AFG3L2: variants seen among roughly 807,000 people sequenced by gnomAD.
AFG3L2 encodes the protein AFG3 like matrix AAA peptidase subunit 2, also known as mitochondrial inner membrane m-AAA protease component AFG3L2.
A neutral mutation model predicts 94.5 loss-of-function variants in AFG3L2; 54 were observed. The ratio of observed to expected loss-of-function variants is 0.57; its 90% CI spans 0.46 to 0.72. The LOEUF (loss-of-function observed/expected upper bound fraction) is 0.72. Among genes scored for constraint, AFG3L2 ranks in the 30% least tolerant of loss-of-function variants. AFG3L2 has a pLI of 0.00. For missense variants in AFG3L2, 754 were observed against 994.9 expected, an observed-to-expected ratio of 0.76 and a Z score of 3.26; for synonymous variants, 377 against 365.5, an observed-to-expected ratio of 1.03 and a Z score of -0.36.
rs762665023 is a variant in AFG3L2 at position 12,351,109 on chromosome 18, C to T, written c.1528G>A (p.Ala510Thr). The T allele has an allele frequency of 1.9e-6, 3 of 1,613,300 alleles. No homozygotes were observed. The Admixed American group carries it at 5.0e-5, about 27-fold the overall frequency. ...CCTGAAAACCCTGGAGTTAAAGATG[C>T]CAGTTTTCTTGCCAATTTATCCTTC... is the stretch of plus-strand genomic sequence containing the variant. ...LEKDKLARKL[A>T]SLTPGFSGAD... The change falls in exon 12 of 17, where the codon GCA becomes ACA. Residue 510 changes from alanine (A) to threonine (T), a missense_variant. By Grantham distance (58) the Ala-to-Thr change is moderately conservative (BLOSUM62 0). Transcript: ENST00000269143.
chr18:12,352,005 C>A (rs1163939976), intron 10 of AFG3L2, among the ~76,000 whole-genome samples: 2 of 152,110 alleles, frequency 1.3e-5, no homozygotes, highest in Non-Finnish European at 2.9e-5. Flanking sequence ...CAGATAATGT[C>A]AATTTTAAAA....
chr18:12,354,379 G>A (rs113005267), intron 9 of AFG3L2, among the ~76,000 whole-genome samples: 97 of 152,144 alleles, frequency 6.4e-4, no homozygotes, highest in African/African-American at 2.1e-3. Context: ...TTCCCCTACA[G>A]GCTAACTGGA....
At position 12,337,368 on chromosome 18, in the gene AFG3L2, G is replaced by A; in HGVS notation, c.2148C>T (p.Leu716=). The change falls in exon 16 of 17, where the codon CTC becomes CTT. Residue 716 remains leucine (L), a synonymous_variant. Coordinates refer to ENST00000269143, the MANE Select transcript of AFG3L2 (RefSeq NM_006796.3). The part of the protein sequence containing the change: ...NDAYKRTVAL[L]TEKKADVEKV... ...TCTCCACGTCAGCTTTCTTTTCTGT[G>A]AGAAGAGCTACTGTTCTTTTATAAG... The A allele has an allele frequency of 6.2e-6, 10 of 1,614,076 alleles. No individual in the cohort carries two copies. The highest frequency in any genetic ancestry group is 1.1e-5 in the South Asian group (1 of 91,076).
chr18:12,355,772 C>T (rs529558361), intron 9 of AFG3L2, among the ~76,000 whole-genome samples: 7 of 151,914 alleles, frequency 4.6e-5, no homozygotes, highest in African/African-American at 1.2e-4. Context: ...AGGTTCACGC[C>T]ATTCTCCTGC....
intron 1 of AFG3L2, among the ~76,000 whole-genome samples, chr18:12,373,326 T>C (rs1244038553): frequency 1.3e-5 from 2 of 151,708 alleles, no homozygotes; most frequent in African/African-American, 4.8e-5. Context: ...TTATTCAAGC[T>C]AGACAAGTCA....
rs200160430 is a variant in AFG3L2 at position 12,367,375 on chromosome 18, C to G, written c.300G>C (p.Lys100Asn). ...KEVMGEKKES[K>N]PAATTRSSGG... ...CAGAAGAGCGTGTGGTAGCAGCTGG[C>G]TTTGATTCTGTTCATAAACAAAGAG... The change falls in exon 4 of 17, where the codon AAG (lysine) becomes AAC (asparagine). Residue 100 changes from lysine (K) to asparagine (N), a missense_variant. By Grantham distance (94) the Lys-to-Asn change is moderately conservative. This residue lies in a region of AFG3L2 where 236 missense variants were observed against 214.0 expected (regional missense o/e 1.10). Coordinates refer to ENST00000269143, the MANE Select transcript of AFG3L2 (RefSeq NM_006796.3). 2.6e-5 allele frequency: 42 copies of G among 1,614,018 alleles called. No individual in the cohort carries two copies. The highest frequency in any genetic ancestry group is 2.9e-5 in the Non-Finnish European group (34 of 1,180,050).
chr18:12,335,793 C>G (rs1208869824), intron 16 of AFG3L2, among the ~76,000 whole-genome samples: 1 of 152,204 alleles, frequency 6.6e-6, no homozygotes, highest in African/African-American at 2.4e-5. Context: ...CCATGCTGGC[C>G]TTTTCTTCCT....
intron 1 of AFG3L2, among the ~76,000 whole-genome samples, chr18:12,375,673 G>A (rs1909132398): frequency 6.6e-6 from 1 of 152,184 alleles, no homozygotes; most frequent in South Asian, 2.1e-4. Flanking sequence ...AGTCTCCCGA[G>A]CAGCTGGGAC....
chr18:12,358,587 A>G, intron 8 of AFG3L2, 83 bp downstream of exon 8: 1 of 1,491,624 alleles, frequency 6.7e-7, no homozygotes, highest in Non-Finnish European at 9.2e-7. Context: ...ACAGCTATCT[A>G]TAATAAGTAA....
intron 12 of AFG3L2, among the ~76,000 whole-genome samples, chr18:12,350,374 T>A (rs1025302365): frequency 6.6e-6 from 1 of 152,172 alleles, no homozygotes; most frequent in African/African-American, 2.4e-5. Flanking sequence ...AACCATTAAT[T>A]GTACACTTTA....
chr18:12,370,650 A>T (rs779202240), intron 3 of AFG3L2, among the ~76,000 whole-genome samples, 199 bp downstream of exon 3: 11 of 151,838 alleles, frequency 7.2e-5, no homozygotes, highest in Non-Finnish European at 1.3e-4. Context: ...GTAGGGACAG[A>T]GTTTCACCAC....
intron 12 of AFG3L2, among the ~76,000 whole-genome samples, chr18:12,348,616 A>G (rs759917909): frequency 3.3e-5 from 5 of 152,256 alleles, no homozygotes; most frequent in Admixed American, 1.3e-4. Flanking sequence ...TTAGTAGTCA[A>G]TAGATAATTA....
chr18:12,352,092 A>T (rs1364070380), intron 10 of AFG3L2, among the ~76,000 whole-genome samples: 2 of 152,176 alleles, frequency 1.3e-5, no homozygotes, highest in Non-Finnish European at 2.9e-5. Flanking sequence ...TGCCTATCTG[A>T]AGGCAGAGAT....
intron 1 of AFG3L2, among the ~76,000 whole-genome samples, chr18:12,376,188 A>C (rs1212413841): frequency 1.3e-5 from 2 of 152,186 alleles, no homozygotes; most frequent in Non-Finnish European, 2.9e-5. Flanking sequence ...GCAGGAGGCC[A>C]AGCCAGGTTC....
intron 14 of AFG3L2, chr18:12,341,112 A>G (rs1907940026): frequency 6.6e-6 from 1 of 152,432 alleles, no homozygotes; most frequent in South Asian, 2.1e-4. Context: ...TGACATTCTG[A>G]CAGTTCTGAT....
At chr18:12,350,762 A>G (rs1006893993) in intron 12 of AFG3L2, among the ~76,000 whole-genome samples, 2 of 152,186 alleles carry the variant, frequency 1.3e-5, no homozygotes, top group African/African-American at 4.8e-5. Context: ...CCTGTGCAAC[A>G]TAATAAGTAA....
Position 12,351,074 on chromosome 18 carries a change from T to C in AFG3L2, c.1552+11A>G. 6.2e-7 allele frequency: 1 copy of C among 1,612,454 alleles called. No homozygotes were observed. Among genetic ancestry groups the C allele is most frequent in the Non-Finnish European group, 8.5e-7 (1 of 1,179,990 alleles). ...TGCTTCTAAATAGGGTCCTCGTTAT[T>C]TTCCACTCACCTGAAAACCCTGGAG... On this transcript the variant is annotated intron_variant, in intron 12 of 16. Transcript: ENST00000269143.
Position 12,370,714 on chromosome 18 carries a change from C to T in AFG3L2, c.292+135G>A. The T allele has an allele frequency of 4.6e-6, 3 of 652,712 alleles. 1 individual carries two copies. The South Asian group carries it at 5.1e-5, about 11-fold the overall frequency. 40.4% of individuals were successfully genotyped at this position (652,712 alleles called of 1,614,324 possible). A position where few individuals can be genotyped will look rare whatever the true frequency, so the allele number is the denominator to read the frequency against. On this transcript the variant is annotated intron_variant, in intron 3 of 16. Transcript: ENST00000269143. ...GCTCAAGTGATCCACCCGCCTAGGC[C>T]TCCCAAAAGGCTGGGATTACAGGCG...
chr18:12,343,333 T>A (rs562407057), intron 14 of AFG3L2: 1 of 152,312 alleles, frequency 6.6e-6, no homozygotes, highest in East Asian at 1.9e-4. Context: ...TTCTAGTGGG[T>A]TCTCTGTGGG....
Sources: gnomAD v4.1 joint callset for allele counts (sites outside exome capture counted in the v4.1 genomes callset) on GRCh38, gnomAD v4.1.1 for gene constraint, gnomAD v4.1.1 regional missense constraint, MANE v1.5 for transcripts, NCBI Gene and HGNC (gene_info 2026-07-23, HGNC 2026-07-21) for gene names.